Variants in UBAP2 observed in about 807,000 individuals in gnomAD.
UBAP2 encodes ubiquitin-associated protein 2.
UBAP2 carries 75 observed loss-of-function variants against 139.6 expected under a neutral mutation model. The ratio of observed to expected loss-of-function variants is 0.54; its 90% CI spans 0.45 to 0.65. The LOEUF (loss-of-function observed/expected upper bound fraction) is 0.65. UBAP2 is among the 30% of genes least tolerant of loss of function. The pLI is 0.00. For synonymous variants in UBAP2, 526 were observed against 526.2 expected, an observed-to-expected ratio of 1.00 and a Z score of 0.01; for missense variants, 1,368 against 1,369.6, an observed-to-expected ratio of 1.00 and a Z score of 0.02.
intron 20 of UBAP2, 39 bp from the exon 21 acceptor site, chr9:33,927,119 C>T: frequency 1.3e-6 from 2 of 1,516,662 alleles, no homozygotes; most frequent in Non-Finnish European, 1.8e-6. Flanking sequence ...GAAATGGTCA[C>T]CACAAAGAGT....
Position 33,922,485 on chromosome 9 carries a change from C to A in UBAP2, c.*19G>T. ...TGCCCAGGATAAGCCTTGCCCCAGC[C>A]CACCCCTCTCTTCTGGGTTTAGTTT... is the stretch of plus-strand genomic sequence containing the variant. On this transcript the variant is annotated 3_prime_UTR_variant, in exon 29 of 29. Coordinates refer to ENST00000379238, the MANE Select transcript of UBAP2 (RefSeq NM_001370062.2). 3.7e-6 allele frequency: 6 copies of A among 1,611,174 alleles called. No homozygotes were observed. Among genetic ancestry groups the A allele is most frequent in the Non-Finnish European group, 5.1e-6 (6 of 1,178,486 alleles).
chr9:34,044,633 G>A (rs1417561408), intron 1 of UBAP2, among the ~76,000 whole-genome samples: 7 of 152,022 alleles, frequency 4.6e-5, no homozygotes, highest in Non-Finnish European at 1.0e-4. Context: ...GGGAGGCCAA[G>A]GCAGGTGGAT....
At chr9:34,043,543 T>C (rs1056449168) in intron 1 of UBAP2, among the ~76,000 whole-genome samples, 2 of 151,990 alleles carry the variant, frequency 1.3e-5, no homozygotes, top group African/African-American at 4.8e-5. Flanking sequence ...GGTCTCACTC[T>C]GTCACCCAAG....
chr9:33,969,463 G>A (rs1827726519), intron 8 of UBAP2, among the ~76,000 whole-genome samples: 1 of 151,780 alleles, frequency 6.6e-6, no homozygotes, highest in African/African-American at 2.4e-5. Context: ...AAGGTGGGAT[G>A]GCTTGAACCC....
chr9:33,966,764 G>A (rs1368272132), intron 8 of UBAP2, among the ~76,000 whole-genome samples: 1 of 152,004 alleles, frequency 6.6e-6, no homozygotes, highest in Non-Finnish European at 1.5e-5. Flanking sequence ...TTCACTGCTA[G>A]TAAAGAAGTA....
intron 1 of UBAP2, among the ~76,000 whole-genome samples, chr9:34,018,580 T>C (rs1039388710): frequency 3.9e-5 from 6 of 152,168 alleles, no homozygotes; most frequent in African/African-American, 1.4e-4. Flanking sequence ...AGTGCCATTA[T>C]TGGCCGGGCA....
intron 22 of UBAP2, 101 bp from the exon 23 acceptor site, chr9:33,924,385 G>T: frequency 8.6e-7 from 1 of 1,169,256 alleles, no homozygotes; most frequent in Non-Finnish European, 1.3e-6. Flanking sequence ...TCCTGAAACA[G>T]ACTCCATGCC....
chr9:33,989,168 G>C, intron 4 of UBAP2, 42 bp from the exon 5 acceptor site: 5 of 1,543,900 alleles, frequency 3.2e-6, no homozygotes, highest in Non-Finnish European at 4.3e-6. Flanking sequence ...CATTCAAAGT[G>C]TGTACAATTA....
At chr9:33,955,067 C>CA (rs1483067121) in intron 11 of UBAP2, among the ~76,000 whole-genome samples, 2 of 151,550 alleles carry the variant, frequency 1.3e-5, no homozygotes, top group Non-Finnish European at 2.9e-5. Flanking sequence ...TGTAATCTAG[C>CA]AGAGTAAAAC....
chr9:33,929,280 A>G (rs969444427), intron 19 of UBAP2, among the ~76,000 whole-genome samples: 1 of 152,228 alleles, frequency 6.6e-6, no homozygotes, highest in African/African-American at 2.4e-5. Flanking sequence ...CTAGGGAACT[A>G]GGTCCTGACT....
intron 13 of UBAP2, among the ~76,000 whole-genome samples, chr9:33,947,470 A>G (rs1486806978): frequency 6.6e-6 from 1 of 152,234 alleles, no homozygotes; most frequent in Non-Finnish European, 1.5e-5. Context: ...AAGGTTGATG[A>G]AATCATAGTT....
intron 1 of UBAP2, among the ~76,000 whole-genome samples, chr9:34,041,632 G>A (rs1002973718): frequency 6.6e-6 from 1 of 152,200 alleles, no homozygotes; most frequent in African/African-American, 2.4e-5. Flanking sequence ...AGGAGGCAGA[G>A]GCTGCAGTGA....
intron 2 of UBAP2, among the ~76,000 whole-genome samples, chr9:34,003,878 C>T (rs1017432016): frequency 6.6e-6 from 1 of 152,066 alleles, no homozygotes; most frequent in Non-Finnish European, 1.5e-5. Context: ...TGCCACAATG[C>T]CCGGCTAATT....
intron 1 of UBAP2, among the ~76,000 whole-genome samples, chr9:34,038,501 T>TCTC (rs1331139312): frequency 6.6e-6 from 1 of 152,162 alleles, no homozygotes; most frequent in East Asian, 1.9e-4. Flanking sequence ...GCCGGGCTGG[T>TCTC]CTCCAGCTGC....
Position 33,923,779 on chromosome 9 carries a change from C to G in UBAP2, c.2796+16G>C. 6.2e-7 allele frequency: 1 copy of G among 1,613,264 alleles called. No homozygotes were observed. Among genetic ancestry groups the G allele is most frequent in the Non-Finnish European group, 8.5e-7 (1 of 1,179,290 alleles). ...CCAAGGCCAGGAGACACAGTCACAC[C>G]CTCTGAAATACTCACAAACATGGTG... On this transcript the variant is annotated intron_variant, in intron 24 of 28. Transcript: ENST00000379238.
rs756204910 is a variant in UBAP2 at position 33,927,989 on chromosome 9, C to T, written c.2179G>A (p.Ala727Thr). Residue 727 changes from alanine (A) to threonine (T), a missense_variant, in exon 20 of 29, where the codon GCC (alanine) becomes ACC (threonine). By Grantham distance (58) the Ala-to-Thr change is moderately conservative. Coordinates refer to ENST00000379238, the MANE Select transcript of UBAP2 (RefSeq NM_001370062.2). ...ALSSSTSHTH[A>T]SVESASSHQS... Reference sequence around the variant, plus strand: ...TGGGAAGAGGCGCTCTCCACACTGGCATGCTGGCAAAAGAAAAGCCAGGAC... The same window carrying T: ...TGGGAAGAGGCGCTCTCCACACTGGTATGCTGGCAAAAGAAAAGCCAGGAC... 1.2e-6 allele frequency: 2 copies of T among 1,609,758 alleles called. No homozygotes were observed. The highest frequency in any genetic ancestry group is 1.3e-5 in the African/African-American group (1 of 74,854).
intron 2 of UBAP2, among the ~76,000 whole-genome samples, chr9:34,004,507 G>A (rs985293160): frequency 6.6e-6 from 1 of 151,840 alleles, no homozygotes; most frequent in Admixed American, 6.6e-5. Context: ...AAAAGGCTGG[G>A]CGCAGTGGCT....
At chr9:33,987,231 G>A (rs1461867750) in intron 5 of UBAP2, among the ~76,000 whole-genome samples, 2 of 151,900 alleles carry the variant, frequency 1.3e-5, no homozygotes, top group Non-Finnish European at 2.9e-5. Context: ...GCTAACACAC[G>A]GAAACCCTGT....
chr9:34,039,808 C>T (rs1334266088), intron 1 of UBAP2, among the ~76,000 whole-genome samples: 2 of 149,310 alleles, frequency 1.3e-5, no homozygotes, highest in African/African-American at 5.0e-5. Flanking sequence ...CTGCCAAATC[C>T]CCCTCTGCGA....
Sources: gnomAD v4.1 joint callset for allele counts (sites outside exome capture counted in the v4.1 genomes callset) on GRCh38, gnomAD v4.1.1 for gene constraint, MANE v1.5 for transcripts, NCBI Gene and HGNC (gene_info 2026-07-23, HGNC 2026-07-21) for gene names.